HDAC11: variants seen among roughly 807,000 people sequenced by gnomAD.
The protein encoded by HDAC11 is histone deacetylase 11.
A neutral mutation model predicts 41.1 loss-of-function variants in HDAC11; 23 were observed. The ratio of observed to expected loss-of-function variants is 0.56; its 90% CI spans 0.40 to 0.79. HDAC11 has a LOEUF of 0.79. Among genes scored for constraint, HDAC11 ranks in the 30% least tolerant of loss-of-function variants. The probability of loss-of-function intolerance (pLI) is 0.00; values close to 1 mark genes in which losing one functional copy is unlikely to be tolerated. For synonymous variants in HDAC11, 187 were observed against 186.6 expected, an observed-to-expected ratio of 1.00 and a Z score of -0.02; for missense variants, 402 against 477.3, an observed-to-expected ratio of 0.84 and a Z score of 1.47.
At chr3:13,498,304 A>C (rs1303777670) in intron 4 of HDAC11, among the ~76,000 whole-genome samples, 1 of 152,202 alleles carries the variant, frequency 6.6e-6, no homozygotes, top group Admixed American at 6.5e-5. Context: ...TATGCACTGT[A>C]CATCTCATAT....
At chr3:13,500,270 G>T (rs367715648) in intron 5 of HDAC11, among the ~76,000 whole-genome samples, 1 of 152,074 alleles carries the variant, frequency 6.6e-6, no homozygotes, top group Non-Finnish European at 1.5e-5. Context: ...GATGGATCCC[G>T]GGCTCTAGGG....
At position 13,495,153 on chromosome 3, in the gene HDAC11, T is replaced by G. The variant is rs548045131; in HGVS notation, c.253-1583T>G. ...TCCTTCCAGCCACCCTCTCTCCACC[T>G]GGCCTCCTGAGCACTGCACCTTAGG... On this transcript the variant is annotated intron_variant, in intron 3 of 9. Transcript: ENST00000295757. 2.6e-5 allele frequency among the ~76,000 whole-genome samples: 4 copies of G among 152,238 alleles called. No individual in the cohort carries two copies. In the South Asian group the frequency reaches 8.3e-4, roughly 32 times the overall value.
chr3:13,502,984 A>G lies in HDAC11; in HGVS notation c.649+4A>G, dbSNP rs2125012114. On this transcript the variant is annotated splice_donor_region_variant and intron_variant, in intron 8 of 9. Coordinates refer to ENST00000295757, the MANE Select transcript of HDAC11 (RefSeq NM_024827.4). The surrounding 1 kb of genome is among the most constrained non-coding windows in gnomAD (Gnocchi z 4.1). ...CCAGGGGACCGCTTTGCCAAGCGTA[A>G]GCTGCTGCCCCTACCCTCATCTTGG... is the stretch of plus-strand genomic sequence containing the variant. 6.2e-7 allele frequency: 1 copy of G among 1,609,434 alleles called. No individual in the cohort carries two copies. Among genetic ancestry groups the G allele is most frequent in the East Asian group, 2.2e-5 (1 of 44,828 alleles).
At chr3:13,500,821 C>T in intron 6 of HDAC11, 32 bp downstream of exon 6, 1 of 1,446,128 alleles carries the variant, frequency 6.9e-7, no homozygotes, top group Non-Finnish European at 9.3e-7. Context: ...GTCTCGCCTC[C>T]AAGAGCCCTC....
At chr3:13,498,427 G>A (rs1446798590) in intron 4 of HDAC11, 86 bp from the exon 5 acceptor site, 2 of 1,542,652 alleles carry the variant, frequency 1.3e-6, no homozygotes, top group African/African-American at 2.7e-5. Flanking sequence ...TAGAAGCAGT[G>A]TTTATGGAAT....
rs1702597295 is a variant in HDAC11 at position 13,505,826 on chromosome 3, C to T, written c.*1143C>T. ...TGGGCCAGACCTCTGGCCTGTTCCTCAGCCCTACTCATGGGGACATTCAGG... is the reference window on the plus strand; with the variant it reads ...TGGGCCAGACCTCTGGCCTGTTCCTTAGCCCTACTCATGGGGACATTCAGG... On this transcript the variant is annotated 3_prime_UTR_variant, in exon 10 of 10. Coordinates refer to ENST00000295757, the MANE Select transcript of HDAC11 (RefSeq NM_024827.4). 6.6e-6 allele frequency: 1 copy of T among 152,336 alleles called. No individual in the cohort carries two copies. Among genetic ancestry groups the T allele is most frequent in the Admixed American group, 6.5e-5 (1 of 15,296 alleles). 9.4% of individuals were successfully genotyped at this position (152,336 alleles called of 1,614,324 possible).
chr3:13,495,094 G>A (rs991438269), intron 3 of HDAC11, among the ~76,000 whole-genome samples: 1 of 151,984 alleles, frequency 6.6e-6, no homozygotes, highest in African/African-American at 2.4e-5. Flanking sequence ...TCCTCTCATG[G>A]AATGTCTGCA....
intron 4 of HDAC11, 21 bp downstream of exon 4, chr3:13,496,873 T>TG: frequency 2.5e-5 from 25 of 995,146 alleles, no homozygotes; most frequent in Non-Finnish European, 3.6e-5. Flanking sequence ...TGGGGGGGCA[T>TG]GGCTGGGCTG....
intron 3 of HDAC11, 155 bp from the exon 4 acceptor site, chr3:13,496,581 G>A (rs952160675): frequency 3.4e-6 from 2 of 583,922 alleles, no homozygotes; most frequent in East Asian, 6.2e-5. Flanking sequence ...TTGTGGCTCT[G>A]GCTCTCATTT....
At chr3:13,490,159 A>G (rs1701783383) in intron 3 of HDAC11, among the ~76,000 whole-genome samples, 2 of 151,824 alleles carry the variant, frequency 1.3e-5, no homozygotes, top group African/African-American at 4.8e-5. Flanking sequence ...ACGCCTAGCT[A>G]ATTTTTCTAT....
At chr3:13,496,935 T>C in intron 4 of HDAC11, 83 bp downstream of exon 4, 1 of 626,366 alleles carries the variant, frequency 1.6e-6, no homozygotes, top group Non-Finnish European at 2.7e-6. Flanking sequence ...TGGAATGCCC[T>C]CCTCCCACTT....
In HDAC11 at chr3:13,497,205, G is replaced by A. The variant is rs1438161931; in HGVS notation, c.369+353G>A. On this transcript the variant is annotated intron_variant, in intron 4 of 9. Coordinates refer to ENST00000295757, the MANE Select transcript of HDAC11 (RefSeq NM_024827.4). ...TCTTTCTTTTTTTTTTTTGAGTAGA[G>A]TCTCGTTCTGTCGCCCAGGCTGGAG... Among the ~76,000 whole-genome samples, 6 of 150,534 alleles carry A rather than the reference G, an allele frequency of 4.0e-5. No individual in the cohort carries two copies. The South Asian group carries it at 1.3e-3, about 32-fold the overall frequency.
intron 3 of HDAC11, among the ~76,000 whole-genome samples, chr3:13,486,153 G>C (rs1044682739): frequency 6.6e-6 from 1 of 151,186 alleles, no homozygotes; most frequent in Non-Finnish European, 1.5e-5. Context: ...TGTAATCCCA[G>C]CTACCTGGGA....
chr3:13,489,430 A>C (rs758286702), intron 3 of HDAC11, among the ~76,000 whole-genome samples: 5 of 152,094 alleles, frequency 3.3e-5, no homozygotes, highest in African/African-American at 4.8e-5. Context: ...ATTGTTTTGT[A>C]CTCAGATATC....
intron 2 of HDAC11, among the ~76,000 whole-genome samples, chr3:13,483,010 C>G (rs910430743): frequency 6.6e-6 from 1 of 150,924 alleles, no homozygotes; most frequent in African/African-American, 2.4e-5. Context: ...CTCAACCTCC[C>G]AAAGTGCTGG....
At chr3:13,486,790 G>A (rs1444618144) in intron 3 of HDAC11, among the ~76,000 whole-genome samples, 1 of 152,028 alleles carries the variant, frequency 6.6e-6, no homozygotes, top group Non-Finnish European at 1.5e-5. Context: ...TGTTGGCCAG[G>A]CTGGTCTCGA....
At chr3:13,482,478 A>G (rs1701365907) in intron 2 of HDAC11, among the ~76,000 whole-genome samples, 2 of 152,234 alleles carry the variant, frequency 1.3e-5, no homozygotes, top group Non-Finnish European at 2.9e-5. Flanking sequence ...AGCCTCCTGT[A>G]ATATCATCAG....
At chr3:13,490,063 G>A (rs879685713) in intron 3 of HDAC11, among the ~76,000 whole-genome samples, 5 of 151,318 alleles carry the variant, frequency 3.3e-5, no homozygotes, top group Admixed American at 2.6e-4. Context: ...GCGCGATCTC[G>A]GCTCACTGCA....
At chr3:13,497,188 T>TC (rs1369637760) in intron 4 of HDAC11, among the ~76,000 whole-genome samples, 2 of 151,718 alleles carry the variant, frequency 1.3e-5, no homozygotes, top group African/African-American at 2.4e-5. Context: ...TTTCTTTCTT[T>TC]TTTTTTTTTG....
Sources: gnomAD v4.1 joint callset for allele counts (sites outside exome capture counted in the v4.1 genomes callset) on GRCh38, gnomAD v4.1.1 for gene constraint, Gnocchi (gnomAD v3.1) non-coding constraint, MANE v1.5 for transcripts, NCBI Gene and HGNC (gene_info 2026-07-23, HGNC 2026-07-21) for gene names.